LARGE1: variants seen among roughly 807,000 people sequenced by gnomAD.
The protein encoded by LARGE1 is LARGE xylosyl- and glucuronyltransferase 1.
In LARGE1, 43 loss-of-function variants were observed where a neutral mutation model predicts 87.6. That is an observed-to-expected ratio of 0.49 (90% CI 0.38 to 0.63). The LOEUF is 0.63. Ranked by LOEUF, LARGE1 falls within the 30% of genes least tolerant of loss-of-function variation. The pLI, the probability that LARGE1 is intolerant of heterozygous loss-of-function variation, is 0.00. For synonymous variants in LARGE1, 434 were observed against 394.6 expected, an observed-to-expected ratio of 1.10 and a Z score of -1.18; for missense variants, 802 against 1,000.2, an observed-to-expected ratio of 0.80 and a Z score of 2.67.
intron 11 of LARGE1, among the ~76,000 whole-genome samples, chr22:33,204,617 G>A (rs772851093): frequency 2.6e-5 from 4 of 152,086 alleles, no homozygotes; most frequent in African/African-American, 4.8e-5. Context: ...CCAAACCTTT[G>A]AGCAGAAATG....
chr22:33,708,389 C>T (rs1253166192), intron 2 of LARGE1, among the ~76,000 whole-genome samples: 1 of 152,154 alleles, frequency 6.6e-6, no homozygotes, highest in Non-Finnish European at 1.5e-5. Context: ...ATACCCAGCC[C>T]AGCCAGAAGC....
At chr22:33,346,825 A>C (rs988283912) in intron 9 of LARGE1, among the ~76,000 whole-genome samples, 1 of 152,190 alleles carries the variant, frequency 6.6e-6, no homozygotes, top group African/African-American at 2.4e-5. Flanking sequence ...TGATGATCCA[A>C]GTCTCTGATT....
chr22:33,418,790 T>A (rs979929554), intron 7 of LARGE1, among the ~76,000 whole-genome samples: 1 of 152,110 alleles, frequency 6.6e-6, no homozygotes, highest in African/African-American at 2.4e-5. Flanking sequence ...CCGGCTCCCA[T>A]CCTATGAGGC....
chr22:33,104,840 C>T, the LARGE1 span, among the ~76,000 whole-genome samples: 6 of 152,164 alleles, frequency 3.9e-5, no homozygotes, highest in African/African-American at 7.2e-5. Flanking sequence ...ATCTCGAGCC[C>T]GTTTTCATGG....
chr22:33,407,150 C>A (rs2066131104), intron 7 of LARGE1, among the ~76,000 whole-genome samples: 2 of 152,084 alleles, frequency 1.3e-5, no homozygotes, highest in Non-Finnish European at 2.9e-5. Flanking sequence ...AGGGACCACT[C>A]TATTATTACT....
At chr22:33,833,618 G>A (rs1044661674) in intron 1 of LARGE1, among the ~76,000 whole-genome samples, 1 of 152,158 alleles carries the variant, frequency 6.6e-6, no homozygotes, top group South Asian at 2.1e-4. Context: ...TGTTACGATA[G>A]GGCTAGCAAA....
chr22:33,240,686 T>C (rs1926470432), intron 11 of LARGE1, among the ~76,000 whole-genome samples: 1 of 152,234 alleles, frequency 6.6e-6, no homozygotes, highest in African/African-American at 2.4e-5. Context: ...ATAAACTTGT[T>C]AGTGGGATTT....
At chr22:33,303,235 G>C (rs774214308) in intron 12 of LARGE1, among the ~76,000 whole-genome samples, 6 of 152,182 alleles carry the variant, frequency 3.9e-5, no homozygotes, top group Non-Finnish European at 8.8e-5. Flanking sequence ...ATGATGTGGG[G>C]GGAGCTGGAA....
intron 1 of LARGE1, among the ~76,000 whole-genome samples, chr22:33,851,048 T>C (rs1473965016): frequency 6.6e-6 from 1 of 152,200 alleles, no homozygotes; most frequent in Non-Finnish European, 1.5e-5. Context: ...TGAAACACCT[T>C]GAAACTGCAT....
the LARGE1 span, among the ~76,000 whole-genome samples, chr22:33,123,670 GT>G: frequency 6.6e-6 from 1 of 152,236 alleles, no homozygotes; most frequent in African/African-American, 2.4e-5. Flanking sequence ...AAGCATCTTA[GT>G]TTGGGCAGAG....
intron 9 of LARGE1, among the ~76,000 whole-genome samples, chr22:33,339,518 C>T (rs1426595205): frequency 1.3e-5 from 2 of 151,954 alleles, no homozygotes; most frequent in Non-Finnish European, 2.9e-5. Flanking sequence ...TCACTCTATT[C>T]ATAATGAAGA....
intron 10 of LARGE1, among the ~76,000 whole-genome samples, chr22:33,323,944 C>T (rs1026530047): frequency 6.6e-6 from 1 of 152,122 alleles, no homozygotes; most frequent in Non-Finnish European, 1.5e-5. Flanking sequence ...TAGAAACTGC[C>T]TCCTTGGCCA....
At chr22:33,334,269 C>T (rs1938127171) in intron 10 of LARGE1, among the ~76,000 whole-genome samples, 1 of 151,894 alleles carries the variant, frequency 6.6e-6, no homozygotes, top group Non-Finnish European at 1.5e-5. Flanking sequence ...CAAAAATTAG[C>T]TGGGCATGGT....
rs2064833678 is a variant in LARGE1, at chr22:33,372,167, A to G, written c.1131+9752T>C. ...AATAAGAACAAATTGCTGAACATAA[A>G]TATAAGTTGTTTTCAGCTTCTTAAA... On this transcript the variant is annotated intron_variant, in intron 9 of 14. Coordinates refer to ENST00000397394, the MANE Select transcript of LARGE1 (RefSeq NM_133642.5). 2.6e-5 allele frequency among the ~76,000 whole-genome samples: 4 copies of G among 152,140 alleles called. No homozygotes were observed. The South Asian group carries it at 8.3e-4, about 31-fold the overall frequency.
Position 33,274,152 on chromosome 22 carries a change from T to C in LARGE1, c.*275A>G, listed in dbSNP as rs754858959. ...CTTTGCAGTAAGATGATAACCCTTT[T>C]ACTCCCTGTCACCCCTTGATTTCCC... On this transcript the variant is annotated 3_prime_UTR_variant, in exon 15 of 15. Transcript: ENST00000397394. 11 of 568,548 alleles carry C rather than the reference T, an allele frequency of 1.9e-5. No homozygotes were observed. Among genetic ancestry groups the C allele is most frequent in the Non-Finnish European group, 3.1e-5 (10 of 318,162 alleles). The allele number at this position is 568,548 out of a possible 1,614,324, so 35.2% of individuals were successfully genotyped here.
At chr22:33,332,706 A>G (rs1023822148) in intron 10 of LARGE1, among the ~76,000 whole-genome samples, 1 of 152,194 alleles carries the variant, frequency 6.6e-6, no homozygotes, top group South Asian at 2.1e-4. Context: ...GTGTCTGCAG[A>G]TAACACTTGA....
intron 2 of LARGE1, among the ~76,000 whole-genome samples, chr22:33,746,108 G>A (rs903470067): frequency 1.5e-4 from 23 of 152,170 alleles, no homozygotes; most frequent in Non-Finnish European, 2.9e-4. Context: ...CGGGTATGGT[G>A]GCATGCGCCT....
chr22:33,200,835 G>A (rs1158514703), intron 11 of LARGE1, among the ~76,000 whole-genome samples: 1 of 152,180 alleles, frequency 6.6e-6, no homozygotes, highest in Non-Finnish European at 1.5e-5. Flanking sequence ...GTGCTAGTGG[G>A]TTCAGGGATT....
intron 6 of LARGE1, among the ~76,000 whole-genome samples, chr22:33,459,718 A>G (rs1317375887): frequency 2.0e-5 from 3 of 151,824 alleles, no homozygotes; most frequent in Admixed American, 2.0e-4. Context: ...CAGCCCAGAC[A>G]GCCCAATTCA....
Sources: allele counts gnomAD v4.1 joint callset (sites outside exome capture counted in the v4.1 genomes callset), GRCh38; gene constraint gnomAD v4.1.1; transcripts MANE v1.5; gene names NCBI Gene and HGNC (gene_info 2026-07-23, HGNC 2026-07-21).